Variants in MED26 observed in about 807,000 individuals in gnomAD.
The protein encoded by MED26 is mediator complex subunit 26, also known as mediator of RNA polymerase II transcription subunit 26.
In MED26, 7 loss-of-function variants were observed where a neutral mutation model predicts 43.7. That is an observed-to-expected ratio of 0.16 (90% CI 0.09 to 0.30). The LOEUF is 0.30. Ranked by LOEUF, MED26 falls within the 10% of genes least tolerant of loss-of-function variation. The probability of loss-of-function intolerance (pLI) is 1.00; values close to 1 mark genes in which losing one functional copy is unlikely to be tolerated. For synonymous variants in MED26, 375 were observed against 371.1 expected, an observed-to-expected ratio of 1.01 and a Z score of -0.12; for missense variants, 784 against 840.6, an observed-to-expected ratio of 0.93 and a Z score of 0.83.
At position 16,577,003 on chromosome 19, in the gene MED26, C is replaced by T. The variant is rs887972761; in HGVS notation, c.827G>A (p.Arg276Gln). The T allele has an allele frequency of 5.6e-6, 9 of 1,607,710 alleles. No homozygotes were observed. Among genetic ancestry groups the T allele is most frequent in the African/African-American group, 1.3e-5 (1 of 74,844 alleles). ...KGPPRCSFSP[R>Q]NSRHEGSFAR... is the part of the protein sequence containing the mutation. ...AAAGGAGCCCTCATGCCGTGAGTTC[C>T]GAGGACTGAAAGAGCAGCGAGGGGG... The change falls in exon 3 of 3, where the codon CGG (arginine) becomes CAG (glutamine). Residue 276 changes from arginine (R) to glutamine (Q), a missense_variant. By Grantham distance (43) the Arg-to-Gln change is conservative. Around this residue, in one of 3 missense-constraint regions of MED26, gnomAD observed 719 missense variants for 730.9 expected, o/e 0.98. Transcript: ENST00000263390. The surrounding 1 kb of genome is among the most constrained non-coding windows in gnomAD (Gnocchi z 8.1).
chr19:16,592,710 A>T (rs1023641636), intron 1 of MED26, among the ~76,000 whole-genome samples: 3 of 152,108 alleles, frequency 2.0e-5, no homozygotes, highest in African/African-American at 7.2e-5. Context: ...TAAACCTCAA[A>T]GCCGGTGTTT....
At chr19:16,604,462 G>A (rs182258657) in intron 1 of MED26, among the ~76,000 whole-genome samples, 85 of 152,318 alleles carry the variant, frequency 5.6e-4, no homozygotes, top group African/African-American at 1.8e-3. Flanking sequence ...GAGAAAAAAG[G>A]GAAAAGAAAC....
intron 1 of MED26, among the ~76,000 whole-genome samples, chr19:16,607,400 C>G (rs2086178914): frequency 6.7e-6 from 1 of 148,176 alleles, no homozygotes; most frequent in South Asian, 2.1e-4. Flanking sequence ...AAAAAAGGAG[C>G]ATGTCCATAT....
At chr19:16,616,068 G>A (rs1226541284) in intron 1 of MED26, among the ~76,000 whole-genome samples, 1 of 152,198 alleles carries the variant, frequency 6.6e-6, no homozygotes, top group African/African-American at 2.4e-5. Context: ...GGACTGGAGA[G>A]AGGAAGGGGC....
chr19:16,619,864 A>C (rs902063149), intron 1 of MED26, among the ~76,000 whole-genome samples: 2 of 152,176 alleles, frequency 1.3e-5, no homozygotes, highest in African/African-American at 4.8e-5. Flanking sequence ...GCAGCACCCT[A>C]CTTTCTCACC....
At position 16,587,386 on chromosome 19, in the gene MED26, G is replaced by C. The variant is rs2122395723; in HGVS notation, c.73-8977C>G. The stretch of plus-strand genomic sequence containing the variant: ...CAGCTCTGGAAAGCGCAGCCCTGAG[G>C]GGTGCTGCTGTGCTTACCCTCAGGC... On this transcript the variant is annotated intron_variant, in intron 1 of 2. Coordinates refer to ENST00000263390, the MANE Select transcript of MED26 (RefSeq NM_004831.5). This position sits in a 1 kb window ranked among gnomAD's most constrained non-coding sequence, Gnocchi z 4.9. The C allele has an allele frequency of 2.0e-5, 3 of 152,392 alleles. No homozygotes were observed. In the South Asian group the frequency reaches 6.2e-4, roughly 32 times the overall value. 9.4% of individuals were successfully genotyped at this position (152,392 alleles called of 1,614,324 possible).
chr19:16,591,946 T>C (rs1328207122), intron 1 of MED26, among the ~76,000 whole-genome samples: 3 of 152,182 alleles, frequency 2.0e-5, no homozygotes, highest in Non-Finnish European at 4.4e-5. Context: ...AGCACGGGCA[T>C]CACCAGGGAG....
chr19:16,595,306 G>A (rs1379761132), intron 1 of MED26, among the ~76,000 whole-genome samples: 1 of 152,166 alleles, frequency 6.6e-6, no homozygotes, highest in Non-Finnish European at 1.5e-5. Flanking sequence ...GCCTAATGCT[G>A]TGCTGACCGA....
chr19:16,621,864 G>A (rs2086252864), intron 1 of MED26, among the ~76,000 whole-genome samples: 1 of 151,978 alleles, frequency 6.6e-6, no homozygotes, highest in Non-Finnish European at 1.5e-5. Context: ...CTAATCCAGA[G>A]GGTACAACAA....
rs1425353067 is a variant in MED26, at chr19:16,577,292, G to T, written c.538C>A (p.Leu180Ile). ...HDPLVPNSSPLPTNGISGSPE... is the reference protein window; with the variant it reads ...HDPLVPNSSPIPTNGISGSPE... Reference sequence around the variant, plus strand: ...CTCCCACTGATCCCGTTGGTGGGGAGGGGGGATGAGTTGGGGACCAGGGGG... The same window carrying T: ...CTCCCACTGATCCCGTTGGTGGGGATGGGGGATGAGTTGGGGACCAGGGGG... The change falls in exon 3 of 3, where the codon CTC (leucine) becomes ATC (isoleucine). Residue 180 changes from leucine to isoleucine, a missense_variant. Coordinates refer to ENST00000263390, the MANE Select transcript of MED26 (RefSeq NM_004831.5). The surrounding 1 kb of genome is among the most constrained non-coding windows in gnomAD (Gnocchi z 8.1). 3 of 1,611,532 alleles carry T rather than the reference G, an allele frequency of 1.9e-6. No individual in the cohort carries two copies. The highest frequency in any genetic ancestry group is 1.7e-5 in the Admixed American group (1 of 60,010).
intron 1 of MED26, among the ~76,000 whole-genome samples, chr19:16,594,636 G>T (rs1234108100): frequency 6.6e-6 from 1 of 152,014 alleles, no homozygotes; most frequent in Non-Finnish European, 1.5e-5. Flanking sequence ...TTTTCACCAC[G>T]GTGAAGATGA....
Position 16,577,546 on chromosome 19 carries a change from C to T in MED26, c.284G>A (p.Arg95Gln), listed in dbSNP as rs375492411. The change falls in exon 3 of 3, where the codon CGG becomes CAG. Residue 95 changes from arginine (R) to glutamine (Q), a missense_variant. This residue lies in a region of MED26 where 719 missense variants were observed against 730.9 expected (regional missense o/e 0.98). Coordinates refer to ENST00000263390, the MANE Select transcript of MED26 (RefSeq NM_004831.5). The surrounding 1 kb of genome is among the most constrained non-coding windows in gnomAD (Gnocchi z 8.1). ...EPAHQHEAALRGLAGATGSAN... is the reference protein window; with the variant it reads ...EPAHQHEAALQGLAGATGSAN... ...AGAGCCGGTGGCCCCCGCCAGCCCC[C>T]GCAGCGCCGCCTCATGCTGGTGTGC... is the stretch of plus-strand genomic sequence containing the variant. 6.7e-5 allele frequency: 108 copies of T among 1,607,634 alleles called. No individual in the cohort carries two copies. Among genetic ancestry groups the T allele is most frequent in the Admixed American group, 1.5e-4 (9 of 59,812 alleles).
chr19:16,608,078 C>G (rs1047436040), intron 1 of MED26, among the ~76,000 whole-genome samples: 4 of 152,246 alleles, frequency 2.6e-5, no homozygotes, highest in African/African-American at 4.8e-5. Flanking sequence ...CAGGCCAGAT[C>G]TCCGTCTGCA....
chr19:16,578,455 T>G (rs772084732), intron 1 of MED26, 46 bp from the exon 2 acceptor site: 4 of 1,573,788 alleles, frequency 2.5e-6, no homozygotes, highest in Non-Finnish European at 2.6e-6. Context: ...CCTTCTCCAC[T>G]GGGAGGCTGG....
At chr19:16,615,512 C>G (rs1334133085) in intron 1 of MED26, among the ~76,000 whole-genome samples, 1 of 152,148 alleles carries the variant, frequency 6.6e-6, no homozygotes, top group African/African-American at 2.4e-5. Context: ...TTTGGGAGGC[C>G]AAGGTGGGTG....
intron 1 of MED26, among the ~76,000 whole-genome samples, chr19:16,582,371 G>T (rs1420303550): frequency 6.6e-6 from 1 of 152,208 alleles, no homozygotes; most frequent in Non-Finnish European, 1.5e-5. Context: ...AAAGGGCCTG[G>T]CCCCGACCCC....
At position 16,628,173 on chromosome 19, in the gene MED26, C is replaced by T. The variant is rs912400449; in HGVS notation, c.-230G>A. On this transcript the variant is annotated 5_prime_UTR_variant, in exon 1 of 3. Transcript: ENST00000263390. ...AGGAGCCGCCGGAGCCGCCGCCGCT[C>T]GCTGCCGCCGCCTCGAGAACCAAAC... is the stretch of plus-strand genomic sequence containing the variant. 21 of 355,962 alleles carry T rather than the reference C, an allele frequency of 5.9e-5. No homozygotes were observed. Among genetic ancestry groups the T allele is most frequent in the African/African-American group, 4.1e-4 (19 of 46,682 alleles). 22.1% of individuals were successfully genotyped at this position (355,962 alleles called of 1,614,324 possible).
At chr19:16,580,523 C>T (rs1208132054) in intron 1 of MED26, among the ~76,000 whole-genome samples, 1 of 152,112 alleles carries the variant, frequency 6.6e-6, no homozygotes, top group Non-Finnish European at 1.5e-5. Flanking sequence ...CACCCGCCAC[C>T]ACGCCCAGCT....
At chr19:16,582,887 A>T (rs2086052814) in intron 1 of MED26, among the ~76,000 whole-genome samples, 1 of 152,208 alleles carries the variant, frequency 6.6e-6, no homozygotes, top group African/African-American at 2.4e-5. Flanking sequence ...ATGGGTAAGG[A>T]CACCGGGAGG....
Sources: gnomAD v4.1 joint callset for allele counts (sites outside exome capture counted in the v4.1 genomes callset) on GRCh38, gnomAD v4.1.1 for gene constraint, gnomAD v4.1.1 regional missense constraint, Gnocchi (gnomAD v3.1) non-coding constraint, MANE v1.5 for transcripts, NCBI Gene and HGNC (gene_info 2026-07-23, HGNC 2026-07-21) for gene names.